The following NDUFAF6 variants were observed in gnomAD, a reference collection of about 807,000 sequenced individuals.
NDUFAF6 encodes the protein NADH:ubiquinone oxidoreductase complex assembly factor 6.
NDUFAF6 carries 45 observed loss-of-function variants against 40.8 expected under a neutral mutation model. The ratio of observed to expected loss-of-function variants is 1.10; its 90% CI spans 0.87 to 1.42. The LOEUF (loss-of-function observed/expected upper bound fraction) is 1.42. Among genes scored for constraint, NDUFAF6 ranks in the 40% most tolerant of loss-of-function variants. The pLI is 0.00. For missense variants in NDUFAF6, 435 were observed against 418.5 expected, an observed-to-expected ratio of 1.04 and a Z score of -0.34; for synonymous variants, 185 against 155.9, an observed-to-expected ratio of 1.19 and a Z score of -1.39.
chr8:95,083,304 A>T lies in NDUFAF6; in HGVS notation n.213+7552A>T, dbSNP rs190916784. On this transcript the variant is annotated intron_variant and non_coding_transcript_variant, in intron 2 of 5. Coordinates refer to the NDUFAF6 transcript ENST00000523184. Reference sequence around the variant, plus strand: ...TCCATTACATTCTTATTTGTACCTGATCAGCTTTGAATGCTATTCTGTAGC... The same window carrying T: ...TCCATTACATTCTTATTTGTACCTGTTCAGCTTTGAATGCTATTCTGTAGC... 5.2e-3 allele frequency among the ~76,000 whole-genome samples: 788 copies of T among 152,254 alleles called. 6 individuals are homozygous for T. The highest frequency in any genetic ancestry group is 0.018 in the African/African-American group (747 of 41,544).
At chr8:94,950,320 T>G (rs144701092) in intron 2 of NDUFAF6, 1 of 152,436 alleles carries the variant, frequency 6.6e-6, no homozygotes, top group African/African-American at 2.4e-5. Flanking sequence ...ACCAAGGCTC[T>G]GTCCCACATA....
intron 1 of NDUFAF6, chr8:94,939,689 TGAC>T: frequency 9.2e-6 from 1 of 109,128 alleles, no homozygotes. Context: ...TGAGACACTG[TGAC>T]TGGTCAACAA....
chr8:95,004,036 A>G (rs969197407), intron 2 of NDUFAF6, among the ~76,000 whole-genome samples: 3 of 152,150 alleles, frequency 2.0e-5, no homozygotes, highest in African/African-American at 7.2e-5. Context: ...GAACGAGTAG[A>G]GAGAGTGCTG....
Position 95,035,591 on chromosome 8 carries a change from AT to A in NDUFAF6, c.420+16del. 1 of 1,604,670 alleles carries A rather than the reference AT, an allele frequency of 6.2e-7. No individual in the cohort carries two copies. The highest frequency in any genetic ancestry group is 8.5e-7 in the Non-Finnish European group (1 of 1,173,138). On this transcript the variant is annotated intron_variant, in intron 3 of 8. Coordinates refer to ENST00000396124, the MANE Select transcript of NDUFAF6 (RefSeq NM_152416.4). ...AACTATGGAAGGTAAAAAAAAAAAA[AT>A]ACCACTTTTAATTTGTATGAATATT...
At chr8:94,957,111 G>A (rs950461443), upstream of NDUFAF6, among the ~76,000 whole-genome samples, 1 of 152,168 alleles carries the variant, frequency 6.6e-6, no homozygotes, top group Non-Finnish European at 1.5e-5. Flanking sequence ...GGCGGGGGTT[G>A]CAGTGAGCTA....
intron 1 of NDUFAF6, among the ~76,000 whole-genome samples, chr8:94,965,248 A>C (rs1449838265): frequency 1.1e-5 from 1 of 88,626 alleles, no homozygotes; most frequent in Non-Finnish European, 2.8e-5. Context: ...GTGATGATAT[A>C]ATTAAAGGAC....
At chr8:95,076,797 C>G (rs542709172), downstream of NDUFAF6, among the ~76,000 whole-genome samples, 1 of 148,840 alleles carries the variant, frequency 6.7e-6, no homozygotes, top group East Asian at 2.0e-4. Flanking sequence ...TGCTTGAACC[C>G]GGGAGGCAGG....
At chr8:94,997,289 G>GACACACACACACAC (rs57953301) in intron 2 of NDUFAF6, among the ~76,000 whole-genome samples, 7 of 94,708 alleles carry the variant, frequency 7.4e-5, no homozygotes, top group Non-Finnish European at 1.4e-4. Context: ...CAAGAAGAAA[G>GACACACACACACAC]ACACACACAC....
intron 9 of NDUFAF6, among the ~76,000 whole-genome samples, chr8:95,065,084 C>G (rs2132021339): frequency 6.6e-6 from 1 of 152,290 alleles, no homozygotes; most frequent in Non-Finnish European, 1.5e-5. Flanking sequence ...TGCAGCTCTT[C>G]ATCTGTATCC....
upstream of NDUFAF6, among the ~76,000 whole-genome samples, chr8:94,954,794 G>A (rs1822935577): frequency 1.3e-5 from 2 of 152,358 alleles, no homozygotes; most frequent in Middle Eastern, 3.4e-3. Context: ...CTGAAGAGCC[G>A]TAGAACTTTG....
chr8:95,026,333 T>G (rs1235442297), intron 1 of NDUFAF6, among the ~76,000 whole-genome samples: 2 of 152,152 alleles, frequency 1.3e-5, no homozygotes, highest in African/African-American at 4.8e-5. Flanking sequence ...TTGGGCGTTG[T>G]GTCCCGCGCT....
chr8:94,931,749 T>G (rs889942360), intron 1 of NDUFAF6, among the ~76,000 whole-genome samples: 1 of 152,084 alleles, frequency 6.6e-6, no homozygotes, highest in South Asian at 2.1e-4. Flanking sequence ...CTGAGGCAGG[T>G]GGATCACCTT....
intron 1 of NDUFAF6, among the ~76,000 whole-genome samples, chr8:94,904,153 G>T (rs2924478): frequency 0.72 from 107,740 of 150,560 alleles, 38,788 homozygotes; most frequent in East Asian, 0.8. Flanking sequence ...TTGTTTTTTG[G>T]TTTTTTTTGA....
At chr8:94,914,965 A>T (rs1431589506) in intron 1 of NDUFAF6, among the ~76,000 whole-genome samples, 5 of 152,144 alleles carry the variant, frequency 3.3e-5, no homozygotes, top group African/African-American at 1.2e-4. Flanking sequence ...CAGGTTTGTT[A>T]CATGGATATA....
intron 2 of NDUFAF6, among the ~76,000 whole-genome samples, chr8:95,095,367 C>T (rs1809421749): frequency 1.3e-5 from 2 of 152,144 alleles, no homozygotes; most frequent in Admixed American, 1.3e-4. Context: ...TTGGTGGACA[C>T]AGTCATCCGA....
intron 2 of NDUFAF6, among the ~76,000 whole-genome samples, chr8:94,985,530 T>C: frequency 1.7e-5 from 1 of 60,404 alleles, no homozygotes; most frequent in African/African-American, 7.0e-5. Context: ...TTTTTTTTTT[T>C]TTTTTTTTTT....
At chr8:95,034,179 C>T (rs1016961457) in intron 2 of NDUFAF6, 16 of 428,390 alleles carry the variant, frequency 3.7e-5, no homozygotes, top group African/African-American at 1.8e-4. Context: ...GTCCCATTTG[C>T]GTTATTCTGT....
intron 2 of NDUFAF6, among the ~76,000 whole-genome samples, chr8:94,983,058 G>A (rs1292789146): frequency 6.6e-6 from 1 of 151,916 alleles, no homozygotes; most frequent in Non-Finnish European, 1.5e-5. Flanking sequence ...ACTATAAAGT[G>A]GTAAAAATAA....
intron 1 of NDUFAF6, among the ~76,000 whole-genome samples, chr8:94,903,174 A>G (rs540987835): frequency 1.3e-5 from 2 of 152,198 alleles, no homozygotes; most frequent in African/African-American, 4.8e-5. Context: ...GTTCGAGACC[A>G]CCCTGGGCAA....
Sources: allele counts gnomAD v4.1 joint callset (sites outside exome capture counted in the v4.1 genomes callset), GRCh38; gene constraint gnomAD v4.1.1; transcripts MANE v1.5; gene names NCBI Gene and HGNC (gene_info 2026-07-23, HGNC 2026-07-21).